CATSPERE: variants seen among roughly 807,000 people sequenced by gnomAD.
The protein encoded by CATSPERE is catsper channel auxiliary subunit epsilon.
A neutral mutation model predicts 114.1 loss-of-function variants in CATSPERE; 93 were observed. That is an observed-to-expected ratio of 0.81 (90% CI 0.69 to 0.97). The LOEUF (loss-of-function observed/expected upper bound fraction) is 0.97, where lower values mean the gene tolerates loss of function less well. CATSPERE is among the 50% of genes least tolerant of loss of function. The pLI is 0.00. For synonymous variants in CATSPERE, 341 were observed against 384.1 expected (o/e 0.89, Z 1.31); for missense variants, 1,058 against 1,131.6 (o/e 0.93, Z 0.93).
chr1:244,631,645 C>T (rs1573107971), intron 20 of CATSPERE, among the ~76,000 whole-genome samples: 1 of 152,146 alleles, frequency 6.6e-6, no homozygotes, highest in East Asian at 1.9e-4. Flanking sequence ...GGCAAAAGAT[C>T]TGAACAGACA....
intron 2 of CATSPERE, among the ~76,000 whole-genome samples, chr1:244,472,738 G>A (rs1472340974): frequency 6.6e-6 from 1 of 152,044 alleles, no homozygotes; most frequent in African/African-American, 2.4e-5. Flanking sequence ...GTATCACACC[G>A]AATAGTTTCA....
intron 9 of CATSPERE, among the ~76,000 whole-genome samples, chr1:244,553,600 A>ACACACACACACACACACACATATATAC (rs775040459): frequency 3.1e-5 from 1 of 32,578 alleles, no homozygotes; most frequent in African/African-American, 1.1e-4. Context: ...AAAAAAAAAA[A>ACACACACACACACACACACATATATAC]ATACACACAC....
chr1:244,538,001 G>T (rs776707789), intron 8 of CATSPERE, among the ~76,000 whole-genome samples: 1 of 152,124 alleles, frequency 6.6e-6, no homozygotes, highest in Non-Finnish European at 1.5e-5. Flanking sequence ...TCTATGTTAA[G>T]ACATATATGT....
intron 8 of CATSPERE, among the ~76,000 whole-genome samples, chr1:244,535,357 C>G (rs1019141221): frequency 6.6e-6 from 1 of 152,230 alleles, no homozygotes; most frequent in Admixed American, 6.5e-5. Context: ...GCAAGTTCCC[C>G]CAGGCCCCAT....
At chr1:244,464,432 G>T (rs1230793996) in intron 2 of CATSPERE, among the ~76,000 whole-genome samples, 2 of 151,944 alleles carry the variant, frequency 1.3e-5, no homozygotes, top group Non-Finnish European at 2.9e-5. Context: ...TACCCCTATT[G>T]CTGGACATAT....
chr1:244,455,520 A>T (rs1271148364), intron 1 of CATSPERE, among the ~76,000 whole-genome samples: 12 of 147,064 alleles, frequency 8.2e-5, no homozygotes, highest in African/African-American at 2.5e-4. Context: ...TTTTTTTTTT[A>T]AAGAGCGCTA....
chr1:244,463,830 G>T, intron 1 of CATSPERE, 78 bp from the exon 2 acceptor site: 1 of 1,279,152 alleles, frequency 7.8e-7, no homozygotes, highest in Non-Finnish European at 1.1e-6. Context: ...GCCCAGCTAT[G>T]CCCTGACCAT....
chr1:244,582,926 T>A (rs374502542), intron 12 of CATSPERE, among the ~76,000 whole-genome samples: 1 of 1,034 alleles, frequency 9.7e-4, no homozygotes, highest in Non-Finnish European at 2.2e-3. Context: ...TATATATATA[T>A]ATATATATAT....
chr1:244,563,322 TC>T (rs1662881789), intron 10 of CATSPERE, among the ~76,000 whole-genome samples: 1 of 152,238 alleles, frequency 6.6e-6, no homozygotes, highest in Non-Finnish European at 1.5e-5. Flanking sequence ...TAGTTCTAGA[TC>T]CTTGAGCAGT....
At chr1:244,599,734 C>T (rs1475223767) in intron 17 of CATSPERE, among the ~76,000 whole-genome samples, 2 of 152,206 alleles carry the variant, frequency 1.3e-5, no homozygotes, top group Admixed American at 6.5e-5. Context: ...CTTCACTGCA[C>T]TCACTCAGAT....
chr1:244,570,740 A>G (rs1228970657), intron 10 of CATSPERE, among the ~76,000 whole-genome samples: 10 of 152,240 alleles, frequency 6.6e-5, no homozygotes, highest in Admixed American at 6.5e-4. Context: ...GATGTATGGG[A>G]TCAGAAAACT....
At chr1:244,490,707 C>A (rs1671940392) in intron 6 of CATSPERE, among the ~76,000 whole-genome samples, 1 of 152,018 alleles carries the variant, frequency 6.6e-6, no homozygotes, top group Admixed American at 6.6e-5. Context: ...AGATAATATT[C>A]ACCAACAACT....
At chr1:244,584,990 T>C (rs895190166) in intron 13 of CATSPERE, among the ~76,000 whole-genome samples, 2 of 152,228 alleles carry the variant, frequency 1.3e-5, no homozygotes, top group Non-Finnish European at 2.9e-5. Flanking sequence ...AGTTTCTGTC[T>C]TTAACTGCTT....
intron 17 of CATSPERE, among the ~76,000 whole-genome samples, chr1:244,597,861 G>T (rs887365520): frequency 6.6e-6 from 1 of 152,114 alleles, no homozygotes; most frequent in Non-Finnish European, 1.5e-5. Context: ...CATTTGATAC[G>T]ACACATAAAC....
chr1:244,629,647 C>T (rs1673675293), intron 20 of CATSPERE, among the ~76,000 whole-genome samples: 1 of 149,580 alleles, frequency 6.7e-6, no homozygotes, highest in Non-Finnish European at 1.5e-5. Context: ...TCTCCTTTAT[C>T]TTTTGTTTTT....
chr1:244,566,652 C>CTTTTTTTTTTT lies in CATSPERE; in HGVS notation c.1507+5532_1507+5542dup, dbSNP rs59466928. Among the ~76,000 whole-genome samples the CTTTTTTTTTTT allele has an allele frequency of 3.1e-4, 15 of 49,106 alleles. 1 individual carries two copies. Among genetic ancestry groups the CTTTTTTTTTTT allele is most frequent in the Non-Finnish European group, 6.3e-4 (9 of 14,268 alleles). 32.2% of individuals were successfully genotyped at this position (49,106 alleles called of 152,430 possible). ...TCAGAGACTAGGATTGCAACCCCTG[C>CTTTTTTTTTTT]TTTTTTTTTTTTTTTTTTTTTTTTT... On this transcript the variant is annotated intron_variant, in intron 10 of 21. Coordinates refer to ENST00000366534, the MANE Select transcript of CATSPERE (RefSeq NM_001130957.2).
intron 12 of CATSPERE, among the ~76,000 whole-genome samples, chr1:244,583,441 A>G (rs1373728856): frequency 1.3e-5 from 2 of 152,156 alleles, no homozygotes; most frequent in Non-Finnish European, 2.9e-5. Flanking sequence ...TTTATTGTCC[A>G]AAGGTGCTAT....
chr1:244,593,622 C>T (rs559827104), intron 17 of CATSPERE, 44 bp downstream of exon 17: 6 of 1,516,090 alleles, frequency 4.0e-6, no homozygotes, highest in East Asian at 4.5e-5. Flanking sequence ...TTGAAAGTTT[C>T]AAACTCAAAG....
intron 2 of CATSPERE, among the ~76,000 whole-genome samples, chr1:244,474,250 G>T (rs536550039): frequency 2.1e-4 from 32 of 152,026 alleles, no homozygotes; most frequent in Non-Finnish European, 4.4e-4. Flanking sequence ...GGCCAGGGTG[G>T]TCTCGAACTT....
Sources: gnomAD v4.1 joint callset for allele counts (sites outside exome capture counted in the v4.1 genomes callset) on GRCh38, gnomAD v4.1.1 for gene constraint, MANE v1.5 for transcripts, NCBI Gene and HGNC (gene_info 2026-07-23, HGNC 2026-07-21) for gene names.